FRMPD2: variants seen among roughly 807,000 people sequenced by gnomAD.
FRMPD2 encodes FERM and PDZ domain containing 2, also known as FERM and PDZ domain-containing protein 2.
Under a neutral mutation model 140.1 loss-of-function variants are expected in FRMPD2, and 96 were observed. That is an observed-to-expected ratio of 0.69 (90% confidence interval 0.58 to 0.81). FRMPD2 has a LOEUF of 0.81. FRMPD2 is among the 40% of genes least tolerant of loss of function. The probability of loss-of-function intolerance (pLI) is 0.00; values close to 1 mark genes in which losing one functional copy is unlikely to be tolerated. For synonymous variants in FRMPD2, 449 were observed against 547.6 expected (o/e 0.82, Z 2.52); for missense variants, 1,240 against 1,447.4 (o/e 0.86, Z 2.32).
At chr10:48,187,879 A>G (rs530524411) in intron 16 of FRMPD2, among the ~76,000 whole-genome samples, 5 of 152,344 alleles carry the variant, frequency 3.3e-5, no homozygotes, top group African/African-American at 1.2e-4. Flanking sequence ...AGAAGCATTC[A>G]TGCAGGCATT....
chr10:48,233,823 T>G (rs1199318235), intron 9 of FRMPD2, among the ~76,000 whole-genome samples: 6 of 152,024 alleles, frequency 3.9e-5, no homozygotes, highest in Non-Finnish European at 8.8e-5. Context: ...TGCCCTCCAC[T>G]GAGGGCAGCC....
chr10:48,269,214 T>C (rs1313391059), intron 1 of FRMPD2, among the ~76,000 whole-genome samples: 2 of 152,214 alleles, frequency 1.3e-5, no homozygotes, highest in Admixed American at 6.5e-5. Context: ...TATTTGATGT[T>C]AGCAAGGTGG....
At chr10:48,189,009 C>T (rs979050492) in intron 16 of FRMPD2, among the ~76,000 whole-genome samples, 4 of 152,106 alleles carry the variant, frequency 2.6e-5, no homozygotes, top group Non-Finnish European at 5.9e-5. Flanking sequence ...GATGGACTTT[C>T]GTGATGGTAG....
intron 16 of FRMPD2, among the ~76,000 whole-genome samples, chr10:48,192,063 CA>C (rs1370427167): frequency 6.6e-6 from 1 of 152,124 alleles, no homozygotes; most frequent in East Asian, 1.9e-4. Flanking sequence ...ATAATAAGGC[CA>C]AATAGGCTTA....
At chr10:48,197,893 CT>C (rs1046325013) in intron 15 of FRMPD2, among the ~76,000 whole-genome samples, 1 of 152,230 alleles carries the variant, frequency 6.6e-6, no homozygotes, top group Admixed American at 6.5e-5. Context: ...CATTACTTAA[CT>C]TTTCCAAGCC....
intron 16 of FRMPD2, among the ~76,000 whole-genome samples, chr10:48,188,649 C>T (rs1261253707): frequency 2.6e-5 from 4 of 152,114 alleles, no homozygotes; most frequent in East Asian, 1.9e-4. Flanking sequence ...ACAGGGCGCT[C>T]GTGTGCTCAA....
chr10:48,235,181 G>A (rs11101267), intron 9 of FRMPD2, among the ~76,000 whole-genome samples: 9,737 of 152,190 alleles, frequency 0.064, 1,073 homozygotes, highest in African/African-American at 0.22. Context: ...TCACACACCA[G>A]CCTCCTTAGC....
At chr10:48,188,960 G>C (rs1838761750) in intron 16 of FRMPD2, among the ~76,000 whole-genome samples, 1 of 152,166 alleles carries the variant, frequency 6.6e-6, no homozygotes, top group Admixed American at 6.5e-5. Context: ...GTGTCGAATG[G>C]GTGCAGTTTC....
chr10:48,169,680 G>A (rs1312281377), intron 26 of FRMPD2, among the ~76,000 whole-genome samples: 1 of 100,374 alleles, frequency 1.0e-5, no homozygotes, highest in African/African-American at 3.2e-5. Flanking sequence ...CCTGTGCATT[G>A]TAGGTTGTTT....
Position 48,261,913 on chromosome 10 carries a change from A to T in FRMPD2, c.26-10222T>A, listed in dbSNP as rs139856180. Among the ~76,000 whole-genome samples, 16 of 152,276 alleles carry T rather than the reference A, an allele frequency of 1.1e-4. No individual in the cohort carries two copies. The East Asian group carries it at 3.1e-3, about 29-fold the overall frequency. On this transcript the variant is annotated intron_variant, in intron 1 of 28. Transcript: ENST00000374201. The stretch of plus-strand genomic sequence containing the variant: ...TGAAAGTGGATTTAAATTTGTTGTA[A>T]ATGTATACTGCAAACTCTAGAGCAA...
chr10:48,256,355 T>G (rs1413353374), intron 1 of FRMPD2, among the ~76,000 whole-genome samples: 2 of 152,188 alleles, frequency 1.3e-5, no homozygotes, highest in African/African-American at 4.8e-5. Flanking sequence ...TTTTGCAGCA[T>G]TTGTAAAGTG....
chr10:48,192,650 G>A, intron 16 of FRMPD2, 34 bp downstream of exon 16: 2 of 1,572,788 alleles, frequency 1.3e-6, no homozygotes, highest in Non-Finnish European at 1.7e-6. Context: ...GCACATGGTG[G>A]TTTGGGCCCA....
chr10:48,238,740 A>G (rs953616216), intron 7 of FRMPD2, among the ~76,000 whole-genome samples: 2 of 152,218 alleles, frequency 1.3e-5, no homozygotes, highest in Non-Finnish European at 2.9e-5. Flanking sequence ...ATATGAGCCC[A>G]TCTAGGTTTT....
intron 1 of FRMPD2, among the ~76,000 whole-genome samples, chr10:48,259,263 C>T (rs1351964498): frequency 6.6e-6 from 1 of 152,058 alleles, no homozygotes; most frequent in African/African-American, 2.4e-5. Flanking sequence ...CACAAAAATC[C>T]TTAAAAATAA....
chr10:48,265,928 CA>C (rs1330356773), intron 1 of FRMPD2, among the ~76,000 whole-genome samples: 1 of 152,162 alleles, frequency 6.6e-6, no homozygotes, highest in Non-Finnish European at 1.5e-5. Context: ...ATATTCATTG[CA>C]GCAGTATTCA....
At chr10:48,271,675 C>T (rs1299666047) in intron 1 of FRMPD2, among the ~76,000 whole-genome samples, 2 of 152,320 alleles carry the variant, frequency 1.3e-5, no homozygotes, top group Admixed American at 6.5e-5. Flanking sequence ...GAGCTGCCAG[C>T]GACCAGTAAA....
chr10:48,203,802 C>T (rs1183567424), intron 14 of FRMPD2, among the ~76,000 whole-genome samples: 3 of 152,150 alleles, frequency 2.0e-5, no homozygotes, highest in African/African-American at 4.8e-5. Flanking sequence ...TTATAATACA[C>T]GGAAAGTAAG....
At chr10:48,157,429 AC>A (rs1210910587) in intron 28 of FRMPD2, 59 bp from the exon 29 acceptor site, 3 of 829,802 alleles carry the variant, frequency 3.6e-6, no homozygotes, top group Non-Finnish European at 6.4e-6. Flanking sequence ...CAGCCTCCTT[AC>A]CCCCACCCAA....
intron 1 of FRMPD2, among the ~76,000 whole-genome samples, chr10:48,272,908 C>G (rs1840794181): frequency 6.6e-6 from 1 of 152,154 alleles, no homozygotes; most frequent in South Asian, 2.1e-4. Flanking sequence ...ACAAAAATAT[C>G]AACCAACATT....
Sources: gnomAD v4.1 joint callset for allele counts (sites outside exome capture counted in the v4.1 genomes callset) on GRCh38, gnomAD v4.1.1 for gene constraint, MANE v1.5 for transcripts, NCBI Gene and HGNC (gene_info 2026-07-23, HGNC 2026-07-21) for gene names.